The following BABAM2 variants were observed in gnomAD, a reference collection of about 807,000 sequenced individuals.
BABAM2 encodes the protein BRISC and BRCA1 A complex member 2.
Under a neutral mutation model 54.7 loss-of-function variants are expected in BABAM2, and 31 were observed. The observed-to-expected ratio is 0.57, with a 90% CI of 0.43 to 0.77. BABAM2 has a LOEUF of 0.77. BABAM2 is among the 30% of genes least tolerant of loss of function. The pLI is 0.00. For synonymous variants in BABAM2, 167 were observed against 162.9 expected (o/e 1.03, Z -0.19); for missense variants, 364 against 455.8 (o/e 0.80, Z 1.83).
intron 7 of BABAM2, among the ~76,000 whole-genome samples, chr2:28,165,986 C>A (rs1558398742): frequency 6.6e-6 from 1 of 152,092 alleles, no homozygotes; most frequent in South Asian, 2.1e-4. Context: ...AGAATGAGGT[C>A]ATCAGAATGG....
chr2:28,150,939 A>G (rs1174494302), intron 7 of BABAM2, among the ~76,000 whole-genome samples: 1 of 152,236 alleles, frequency 6.6e-6, no homozygotes, highest in Admixed American at 6.5e-5. Context: ...TGTCCTTGCC[A>G]ATGATAGTTT....
chr2:28,035,999 T>G (rs1676631899), intron 5 of BABAM2, among the ~76,000 whole-genome samples: 1 of 152,296 alleles, frequency 6.6e-6, no homozygotes, highest in East Asian at 1.9e-4. Flanking sequence ...CCTTTCCATT[T>G]CCTTTGCCTA....
intron 11 of BABAM2, among the ~76,000 whole-genome samples, chr2:28,317,813 TC>T (rs1490910558): frequency 6.6e-6 from 1 of 152,170 alleles, no homozygotes; most frequent in Non-Finnish European, 1.5e-5. Context: ...TTCCTGTTTC[TC>T]CCCTTTTCCC....
chr2:28,264,250 C>A (rs1392448593), intron 10 of BABAM2, among the ~76,000 whole-genome samples: 1 of 151,944 alleles, frequency 6.6e-6, no homozygotes, highest in Non-Finnish European at 1.5e-5. Context: ...TTCTTTATGC[C>A]AGATACCATA....
At chr2:28,167,697 A>T (rs867379327) in intron 7 of BABAM2, among the ~76,000 whole-genome samples, 8 of 145,248 alleles carry the variant, frequency 5.5e-5, no homozygotes, top group African/African-American at 1.0e-4. Context: ...CCATCTCAAA[A>T]AAATAAATAA....
At chr2:28,290,826 C>CA (rs1198535026) in intron 10 of BABAM2, among the ~76,000 whole-genome samples, 1 of 151,890 alleles carries the variant, frequency 6.6e-6, no homozygotes, top group Non-Finnish European at 1.5e-5. Context: ...CTCTGTCATC[C>CA]AAAAAAGGCT....
intron 7 of BABAM2, among the ~76,000 whole-genome samples, chr2:28,195,447 T>C (rs1371828191): frequency 6.6e-6 from 1 of 152,202 alleles, no homozygotes; most frequent in Non-Finnish European, 1.5e-5. Context: ...TTCAGATATC[T>C]GTCTGGAAAA....
At chr2:28,022,779 C>T (rs1255570612) in intron 4 of BABAM2, among the ~76,000 whole-genome samples, 2 of 152,216 alleles carry the variant, frequency 1.3e-5, no homozygotes, top group East Asian at 1.9e-4. Context: ...TATGCCTCCT[C>T]CTCCTCTTTC....
intron 7 of BABAM2, among the ~76,000 whole-genome samples, chr2:28,165,838 A>G (rs1364237537): frequency 6.6e-6 from 1 of 152,158 alleles, no homozygotes; most frequent in Non-Finnish European, 1.5e-5. Flanking sequence ...GCCCGGCTAC[A>G]CTGAAGGCTT....
chr2:28,004,665 A>G (rs1399492477), intron 4 of BABAM2, among the ~76,000 whole-genome samples: 2 of 151,886 alleles, frequency 1.3e-5, no homozygotes, highest in Non-Finnish European at 2.9e-5. Context: ...TAACAATTAC[A>G]TATAATTTGT....
rs542684739 is a variant in BABAM2 at position 28,059,595 on chromosome 2, C to G, written c.570+13796C>G. Among the ~76,000 whole-genome samples the G allele has an allele frequency of 2.6e-5, 4 of 152,304 alleles. No individual in the cohort carries two copies. The South Asian group carries it at 6.2e-4, about 24-fold the overall frequency. On this transcript the variant is annotated intron_variant, in intron 6 of 11. Coordinates refer to ENST00000379624, the MANE Select transcript of BABAM2 (RefSeq NM_199191.3). Reference sequence around the variant, plus strand: ...TCTTAGTCTCTTTTCCATAGACCAGCAACTCACAAGTATGGTCCAAGGACT... The same window carrying G: ...TCTTAGTCTCTTTTCCATAGACCAGGAACTCACAAGTATGGTCCAAGGACT...
At chr2:28,115,483 A>G (rs1252616542) in intron 6 of BABAM2, among the ~76,000 whole-genome samples, 1 of 151,884 alleles carries the variant, frequency 6.6e-6, no homozygotes, top group Non-Finnish European at 1.5e-5. Flanking sequence ...AAAATTATCC[A>G]GGCGTGGTGG....
chr2:28,131,797 C>T (rs1558368483), intron 7 of BABAM2, among the ~76,000 whole-genome samples: 1 of 152,092 alleles, frequency 6.6e-6, no homozygotes, highest in Non-Finnish European at 1.5e-5. Flanking sequence ...CCAGTTCTAG[C>T]GTAGCCACTC....
intron 5 of BABAM2, among the ~76,000 whole-genome samples, chr2:28,037,669 C>A (rs1196802294): frequency 6.6e-6 from 1 of 152,140 alleles, no homozygotes; most frequent in Non-Finnish European, 1.5e-5. Flanking sequence ...AAACCAGCAG[C>A]AATATATGAA....
intron 2 of BABAM2, among the ~76,000 whole-genome samples, chr2:27,899,259 TG>T (rs1665586939): frequency 6.6e-6 from 1 of 152,350 alleles, no homozygotes; most frequent in South Asian, 2.1e-4. Flanking sequence ...GCTAGTGGAC[TG>T]GTGACTGGTA....
intron 6 of BABAM2, among the ~76,000 whole-genome samples, chr2:28,085,953 G>T (rs935301764): frequency 6.6e-6 from 1 of 151,962 alleles, no homozygotes; most frequent in Non-Finnish European, 1.5e-5. Flanking sequence ...TTTTGTAAAG[G>T]TTTCATTGAA....
chr2:27,890,413 A>C (rs950860284), upstream of BABAM2: 23 of 1,468,726 alleles, frequency 1.6e-5, no homozygotes, highest in Non-Finnish European at 2.0e-5. This position sits in a 1 kb window ranked among gnomAD's most constrained non-coding sequence, Gnocchi z 4.8. Context: ...GTAACCAGAG[A>C]CGCCACTCCT....
chr2:27,976,761 T>G (rs934292558), intron 3 of BABAM2, among the ~76,000 whole-genome samples: 1 of 152,198 alleles, frequency 6.6e-6, no homozygotes, highest in African/African-American at 2.4e-5. Flanking sequence ...TTTTTACTGT[T>G]TGAATGTGGC....
At chr2:27,892,978 T>G (rs1664989143) in intron 1 of BABAM2, among the ~76,000 whole-genome samples, 2 of 152,232 alleles carry the variant, frequency 1.3e-5, no homozygotes, top group Non-Finnish European at 2.9e-5. Flanking sequence ...GCTATCAAAT[T>G]AGCAAATAAA....
Sources: allele counts gnomAD v4.1 joint callset (sites outside exome capture counted in the v4.1 genomes callset), GRCh38; gene constraint gnomAD v4.1.1; non-coding constraint Gnocchi (gnomAD v3.1); transcripts MANE v1.5; gene names NCBI Gene and HGNC (gene_info 2026-07-23, HGNC 2026-07-21).